The following TRIP11 variants were observed in gnomAD, a reference collection of about 807,000 sequenced individuals.
The protein encoded by TRIP11 is thyroid hormone receptor interactor 11.
A neutral mutation model predicts 223.1 loss-of-function variants in TRIP11; 148 were observed. The observed-to-expected ratio is 0.66, with a 90% CI of 0.58 to 0.76. TRIP11 has a LOEUF of 0.76. Ranked by LOEUF, TRIP11 falls within the 30% of genes least tolerant of loss-of-function variation. TRIP11 has a pLI of 0.00. For synonymous variants in TRIP11, 762 were observed against 772.6 expected (o/e 0.99, Z 0.23); for missense variants, 2,043 against 2,222.0 (o/e 0.92, Z 1.62).
At chr14:92,021,111 G>A (rs912240853) in intron 4 of TRIP11, among the ~76,000 whole-genome samples, 1 of 149,870 alleles carries the variant, frequency 6.7e-6, no homozygotes, top group African/African-American at 2.5e-5. Flanking sequence ...CACTGGCAGA[G>A]GCCAGGCGCA....
chr14:91,973,791 C>G (rs2056428700), intron 19 of TRIP11, among the ~76,000 whole-genome samples: 1 of 152,124 alleles, frequency 6.6e-6, no homozygotes, highest in African/African-American at 2.4e-5. Flanking sequence ...CTTTGGGAGG[C>G]TGAGGTGGGC....
In TRIP11 at chr14:92,037,141, C is replaced by T. The variant is rs1052765562; in HGVS notation, c.139+2406G>A. Among the ~76,000 whole-genome samples the T allele has an allele frequency of 2.0e-5, 3 of 152,192 alleles. No individual in the cohort carries two copies. The highest frequency in any genetic ancestry group is 2.4e-5 in the African/African-American group (1 of 41,438). The stretch of plus-strand genomic sequence containing the variant: ...AAGCAACTTTGCAGATTTCTAATCA[C>T]GCACTTGTGCCATTTTTATTGAGCA... On this transcript the variant is annotated intron_variant, in intron 1 of 20. Coordinates refer to ENST00000267622, the MANE Select transcript of TRIP11 (RefSeq NM_004239.4). The surrounding 1 kb of genome is among the most constrained non-coding windows in gnomAD (Gnocchi z 4.2).
chr14:92,002,235 CAAT>C (rs1555385886), intron 11 of TRIP11, among the ~76,000 whole-genome samples: 1 of 152,246 alleles, frequency 6.6e-6, no homozygotes, highest in African/African-American at 2.4e-5. Flanking sequence ...AGGAAATCCT[CAAT>C]AATTCTTACT....
At position 92,015,794 on chromosome 14, in the gene TRIP11, G is replaced by A; in HGVS notation, c.725C>T (p.Ala242Val). Residue 242 changes from alanine (A) to valine (V), a missense_variant, in exon 6 of 21, where the codon GCA (alanine) becomes GTA (valine). Coordinates refer to ENST00000267622, the MANE Select transcript of TRIP11 (RefSeq NM_004239.4). ...TATTTCTGTCAATTTCTGTTGGTGT[G>A]CATTCTGCAGTACTGACATTTCATG... ...HQHEMSVLQN[A>V]HQQKLTEISR... 1 of 1,613,292 alleles carries A rather than the reference G, an allele frequency of 6.2e-7. No individual in the cohort carries two copies. Among genetic ancestry groups the A allele is most frequent in the Non-Finnish European group, 8.5e-7 (1 of 1,179,818 alleles).
chr14:92,006,418 TTGATAGC>T lies in TRIP11; in HGVS notation c.1551_1557del (p.Leu518AsnfsTer13). The T allele has an allele frequency of 6.2e-7, 1 of 1,613,140 alleles. No homozygotes were observed. The highest frequency in any genetic ancestry group is 8.5e-7 in the Non-Finnish European group (1 of 1,179,764). ...ATGCTATCTCCTTCATTTTGTTGTT[TTGATAGC>T]TGATCTTTTATCAAAATCATGTGCT... On this transcript the variant is annotated frameshift_variant, in exon 11 of 21. Transcript: ENST00000267622. LOFTEE classifies it high-confidence loss of function.
At chr14:92,001,672 T>C (rs2056828918) in intron 11 of TRIP11, among the ~76,000 whole-genome samples, 1 of 152,166 alleles carries the variant, frequency 6.6e-6, no homozygotes, top group Non-Finnish European at 1.5e-5. Context: ...CAAAGGTCAA[T>C]GAAATAGAAC....
At chr14:92,026,922 G>T in intron 2 of TRIP11, 1 of 1,377,426 alleles carries the variant, frequency 7.3e-7, no homozygotes, top group Non-Finnish European at 1.0e-6. Context: ...TAAAAAAAAG[G>T]CCGCCGCGAC....
intron 15 of TRIP11, among the ~76,000 whole-genome samples, chr14:91,990,228 A>G (rs191118571): frequency 6.6e-6 from 1 of 152,322 alleles, no homozygotes; most frequent in Admixed American, 6.5e-5. Context: ...AAAAATCCAC[A>G]AAACTAAATT....
chr14:91,970,547 A>T (rs2056389227), intron 20 of TRIP11, among the ~76,000 whole-genome samples: 1 of 152,228 alleles, frequency 6.6e-6, no homozygotes, highest in South Asian at 2.1e-4. Context: ...TTTCTGATAA[A>T]AAAACAATGC....
chr14:92,025,487 C>A, intron 2 of TRIP11, 67 bp from the exon 3 acceptor site: 4 of 1,134,764 alleles, frequency 3.5e-6, no homozygotes, highest in Non-Finnish European at 5.2e-6. Flanking sequence ...ATGTGCACAG[C>A]ATTATGAAAA....
In TRIP11 at chr14:92,004,035, G is replaced by C; in HGVS notation, c.3941C>G (p.Pro1314Arg). 6.2e-7 allele frequency: 1 copy of C among 1,614,060 alleles called. No homozygotes were observed. Among genetic ancestry groups the C allele is most frequent in the Non-Finnish European group, 8.5e-7 (1 of 1,180,010 alleles). The change falls in exon 11 of 21, where the codon CCC becomes CGC. Residue 1314 changes from proline to arginine, a missense_variant. Pro to Arg is a moderately radical substitution (Grantham distance 103). Coordinates refer to ENST00000267622, the MANE Select transcript of TRIP11 (RefSeq NM_004239.4). The part of the protein sequence containing the change: ...LLLGKLDIIS[P>R]QLSSASLLTP... ...AAGCAATGATGCAGAAGACAGCTGGGGTGAAATAATATCAAGTTTTCCTAA... is the reference window on the plus strand; with the variant it reads ...AAGCAATGATGCAGAAGACAGCTGGCGTGAAATAATATCAAGTTTTCCTAA...
chr14:91,996,851 G>T (rs1158724016), intron 13 of TRIP11, among the ~76,000 whole-genome samples: 1 of 152,142 alleles, frequency 6.6e-6, no homozygotes, highest in Admixed American at 6.5e-5. Context: ...TCTGACTCCA[G>T]AGAGTCCTAA....
Position 92,004,797 on chromosome 14 carries a change from A to G in TRIP11, c.3179T>C (p.Ile1060Thr). ...TATCTCCAAATCTTTCTGCTGAATA[A>G]TCTGAGTTAGTTTACCAACTTCATC... ...SKDEVGKLTQ[I>T]IQQKDLEIQA... The change falls in exon 11 of 21, where the codon ATT becomes ACT. Residue 1060 changes from isoleucine to threonine, a missense_variant. Physicochemically the swap from Ile to Thr is moderately conservative, Grantham distance 89. Coordinates refer to ENST00000267622, the MANE Select transcript of TRIP11 (RefSeq NM_004239.4). 1 of 1,614,156 alleles carries G rather than the reference A, an allele frequency of 6.2e-7. No individual in the cohort carries two copies. Among genetic ancestry groups the G allele is most frequent in the Non-Finnish European group, 8.5e-7 (1 of 1,180,028 alleles).
Position 91,972,617 on chromosome 14 carries a change from T to C in TRIP11, c.5719+100A>G, listed in dbSNP as rs533508392. The C allele has an allele frequency of 7.7e-6, 10 of 1,292,762 alleles. No individual in the cohort carries two copies. The African/African-American group carries it at 1.3e-4, about 17-fold the overall frequency. 80.1% of individuals were successfully genotyped at this position (1,292,762 alleles called of 1,614,324 possible). On this transcript the variant is annotated intron_variant, in intron 20 of 20. Coordinates refer to ENST00000267622, the MANE Select transcript of TRIP11 (RefSeq NM_004239.4). ...ATTCTGGAAGTCCTGATTACACATT[T>C]CCAAAAATACTAAAAATTTAGTTAA...
intron 4 of TRIP11, among the ~76,000 whole-genome samples, chr14:92,018,299 C>T (rs974911365): frequency 6.6e-5 from 10 of 151,906 alleles, no homozygotes; most frequent in African/African-American, 2.4e-4. Flanking sequence ...CTATGTTGCC[C>T]AGGCTGGTCT....
chr14:92,017,967 G>A (rs1212267435), intron 4 of TRIP11, among the ~76,000 whole-genome samples: 1 of 152,070 alleles, frequency 6.6e-6, no homozygotes, highest in African/African-American at 2.4e-5. Context: ...TAACTAATGG[G>A]GGGGACAACA....
Position 92,017,667 on chromosome 14 carries a change from A to G in TRIP11, c.657+15T>C. ...AGATGTATAACTCCCATCATCAATC[A>G]ACAATTTGACTTACCTTAATGATAT... On this transcript the variant is annotated intron_variant, in intron 5 of 20. Transcript: ENST00000267622. 1 of 1,596,972 alleles carries G rather than the reference A, an allele frequency of 6.3e-7. No individual in the cohort carries two copies. Among genetic ancestry groups the G allele is most frequent in the Non-Finnish European group, 8.6e-7 (1 of 1,165,810 alleles).
In TRIP11 at chr14:91,966,156, T is replaced by C. The variant is rs1435685121; in HGVS notation, c.*3517A>G. ...CCTAATATTAAGGTTGCGTTGGAAA[T>C]TTCCCACGTTTAGATATTTCCCTAA... On this transcript the variant is annotated 3_prime_UTR_variant, in exon 21 of 21. Transcript: ENST00000267622. 1.7e-5 allele frequency: 3 copies of C among 175,110 alleles called. No homozygotes were observed. The highest frequency in any genetic ancestry group is 6.3e-5 in the Admixed American group (1 of 15,780). The allele number at this position is 175,110 out of a possible 1,614,324, so 10.8% of individuals were successfully genotyped here. A position where few individuals can be genotyped will look rare whatever the true frequency, so the allele number is the denominator to read the frequency against.
intron 16 of TRIP11, 78 bp downstream of exon 16, chr14:91,988,206 G>T: frequency 2.5e-6 from 3 of 1,180,584 alleles, no homozygotes; most frequent in African/African-American, 1.5e-5. Flanking sequence ...ACTCAACTAT[G>T]CCAATTTATG....
Sources: allele counts gnomAD v4.1 joint callset (sites outside exome capture counted in the v4.1 genomes callset), GRCh38; gene constraint gnomAD v4.1.1; non-coding constraint Gnocchi (gnomAD v3.1); transcripts MANE v1.5; gene names NCBI Gene and HGNC (gene_info 2026-07-23, HGNC 2026-07-21).